Variants in RSRC1 observed in about 807,000 individuals in gnomAD.
The protein encoded by RSRC1 is serine/Arginine-related protein 53.
In RSRC1, 39 loss-of-function variants were observed where a neutral mutation model predicts 49.1. That is an observed-to-expected ratio of 0.79 (90% CI 0.61 to 1.04). The LOEUF is 1.04. Among genes scored for constraint, RSRC1 ranks in the 50% least tolerant of loss-of-function variants. The probability of loss-of-function intolerance (pLI) is 0.00; values close to 1 mark genes in which losing one functional copy is unlikely to be tolerated. For missense variants in RSRC1, 388 were observed against 402.4 expected, an observed-to-expected ratio of 0.96 and a Z score of 0.31; for synonymous variants, 143 against 130.8, an observed-to-expected ratio of 1.09 and a Z score of -0.63.
intron 6 of RSRC1, among the ~76,000 whole-genome samples, chr3:158,424,632 T>A (rs1372377881): frequency 1.3e-5 from 2 of 151,508 alleles, no homozygotes; most frequent in East Asian, 3.9e-4. Context: ...TTCTATTGAT[T>A]GGAATAGTTT....
chr3:158,267,905 G>T (rs1578264142), intron 4 of RSRC1, among the ~76,000 whole-genome samples: 1 of 117,920 alleles, frequency 8.5e-6, no homozygotes, highest in Non-Finnish European at 1.7e-5. Context: ...TAGCCACTCT[G>T]GATTCAGCTG....
intron 5 of RSRC1, among the ~76,000 whole-genome samples, chr3:158,353,033 A>T (rs769879296): frequency 1.3e-5 from 2 of 152,210 alleles, no homozygotes; most frequent in Non-Finnish European, 2.9e-5. Context: ...TCCCTTAAAC[A>T]TATGACATAA....
At chr3:158,406,900 T>A (rs1388588406) in intron 6 of RSRC1, among the ~76,000 whole-genome samples, 3 of 152,134 alleles carry the variant, frequency 2.0e-5, no homozygotes, top group African/African-American at 7.2e-5. Flanking sequence ...TTCTGCTGTG[T>A]TGCCTTGAAA....
chr3:158,491,056 TGC>T (rs1309524053), intron 7 of RSRC1, among the ~76,000 whole-genome samples: 1 of 152,228 alleles, frequency 6.6e-6, no homozygotes, highest in African/African-American at 2.4e-5. Context: ...ATAAAACTTT[TGC>T]TTTTCAATAA....
intron 7 of RSRC1, among the ~76,000 whole-genome samples, chr3:158,517,324 T>A (rs1740623049): frequency 6.6e-6 from 1 of 152,182 alleles, no homozygotes; most frequent in South Asian, 2.1e-4. Context: ...CTCTTTCCAC[T>A]TGTTATATCA....
chr3:158,316,176 A>C (rs911049571), intron 5 of RSRC1, among the ~76,000 whole-genome samples: 1 of 152,070 alleles, frequency 6.6e-6, no homozygotes, highest in African/African-American at 2.4e-5. Context: ...GGTCTCAAAA[A>C]AAAAAAAAAG....
intron 1 of RSRC1, among the ~76,000 whole-genome samples, chr3:158,118,463 G>GTGTGCA (rs66543312): frequency 2.4e-5 from 1 of 42,224 alleles, no homozygotes; most frequent in African/African-American, 1.2e-4. Flanking sequence ...GTGTGTGTGT[G>GTGTGCA]CGCGTGCGCG....
At chr3:158,247,338 A>G (rs1723962343) in intron 4 of RSRC1, among the ~76,000 whole-genome samples, 3 of 152,088 alleles carry the variant, frequency 2.0e-5, no homozygotes, top group Admixed American at 6.6e-5. Flanking sequence ...AAAGTTTGTT[A>G]TTATCCATCT....
In RSRC1 at chr3:158,413,780, A is replaced by G. The variant is rs954865143; in HGVS notation, c.584-47155A>G. On this transcript the variant is annotated intron_variant, in intron 6 of 9. Coordinates refer to ENST00000611884, the MANE Select transcript of RSRC1 (RefSeq NM_001271838.2). ...TAGAGAAATGCAAATCAAAACCACA[A>G]TGAGATACCATCTCATGCCAATCAA... is the stretch of plus-strand genomic sequence containing the variant. Among the ~76,000 whole-genome samples the G allele has an allele frequency of 4.6e-5, 7 of 152,346 alleles. No individual in the cohort carries two copies. The East Asian group carries it at 7.7e-4, about 17-fold the overall frequency.
chr3:158,364,991 A>G (rs958400283), intron 6 of RSRC1, among the ~76,000 whole-genome samples: 1 of 152,044 alleles, frequency 6.6e-6, no homozygotes, highest in Non-Finnish European at 1.5e-5. Flanking sequence ...ATAACTGAGC[A>G]TTCTATAAAT....
At chr3:158,311,603 TTC>T (rs962944958) in intron 5 of RSRC1, among the ~76,000 whole-genome samples, 4 of 151,978 alleles carry the variant, frequency 2.6e-5, no homozygotes, top group African/African-American at 9.7e-5. Flanking sequence ...AGTACAAAGT[TTC>T]AGTTACCCAG....
At chr3:158,518,783 C>G (rs1204918644) in intron 7 of RSRC1, among the ~76,000 whole-genome samples, 1 of 152,146 alleles carries the variant, frequency 6.6e-6, no homozygotes, top group African/African-American at 2.4e-5. Flanking sequence ...GAAACACCCT[C>G]TTTTTCAGTT....
intron 7 of RSRC1, among the ~76,000 whole-genome samples, chr3:158,518,316 T>C (rs1740715750): frequency 6.6e-6 from 1 of 150,760 alleles, no homozygotes; most frequent in Non-Finnish European, 1.5e-5. Flanking sequence ...AAATTATTTT[T>C]TCCTTGAACG....
chr3:158,188,512 T>C (rs1404122023), intron 3 of RSRC1, among the ~76,000 whole-genome samples: 1 of 151,980 alleles, frequency 6.6e-6, no homozygotes, highest in African/African-American at 2.4e-5. Flanking sequence ...GGAAAGTTTC[T>C]AAAGGCAGTA....
intron 5 of RSRC1, among the ~76,000 whole-genome samples, chr3:158,333,250 A>G (rs1372758651): frequency 6.6e-6 from 1 of 151,996 alleles, no homozygotes; most frequent in Non-Finnish European, 1.5e-5. Flanking sequence ...GTTTTTAGAA[A>G]CATTGTGATG....
intron 4 of RSRC1, among the ~76,000 whole-genome samples, chr3:158,250,293 C>G (rs1327505025): frequency 6.6e-6 from 1 of 152,050 alleles, no homozygotes; most frequent in East Asian, 1.9e-4. Context: ...TGCAGATGAT[C>G]TTGATACAAA....
intron 7 of RSRC1, among the ~76,000 whole-genome samples, chr3:158,534,942 A>C (rs1342238288): frequency 4.0e-5 from 6 of 151,386 alleles, no homozygotes; most frequent in African/African-American, 7.2e-5. Flanking sequence ...ACTTAGTAAA[A>C]ATGGTTACCT....
At chr3:158,299,840 T>C (rs1219679421) in intron 5 of RSRC1, among the ~76,000 whole-genome samples, 1 of 152,212 alleles carries the variant, frequency 6.6e-6, no homozygotes, top group Non-Finnish European at 1.5e-5. Flanking sequence ...AGTGGTTTTC[T>C]AGCTGTGCCT....
At chr3:158,496,131 C>T (rs532095737) in intron 7 of RSRC1, among the ~76,000 whole-genome samples, 5 of 152,098 alleles carry the variant, frequency 3.3e-5, no homozygotes, top group Non-Finnish European at 7.4e-5. Flanking sequence ...GTATTACATT[C>T]TTTATAAAAT....
Sources: allele counts gnomAD v4.1 joint callset (sites outside exome capture counted in the v4.1 genomes callset), GRCh38; gene constraint gnomAD v4.1.1; transcripts MANE v1.5; gene names NCBI Gene and HGNC (gene_info 2026-07-23, HGNC 2026-07-21).